SP140L: variants seen among roughly 807,000 people sequenced by gnomAD.
SP140L encodes SP140 like nuclear body protein.
Under a neutral mutation model 84.3 loss-of-function variants are expected in SP140L, and 64 were observed. That is an observed-to-expected ratio of 0.76 (90% CI 0.62 to 0.94). The LOEUF is 0.94. SP140L is among the 40% of genes least tolerant of loss of function. The pLI, the probability that SP140L is intolerant of heterozygous loss-of-function variation, is 0.00. For missense variants in SP140L, 628 were observed against 692.5 expected, an observed-to-expected ratio of 0.91 and a Z score of 1.05; for synonymous variants, 242 against 236.9, an observed-to-expected ratio of 1.02 and a Z score of -0.20.
At chr2:230,329,206 C>T (rs184621352) in intron 2 of SP140L, among the ~76,000 whole-genome samples, 227 of 152,250 alleles carry the variant, frequency 1.5e-3, no homozygotes, top group Non-Finnish European at 2.9e-3. Context: ...TTTTTAAAGT[C>T]GTTCTTCTGT....
At chr2:230,398,308 A>G (rs1264616026) in intron 14 of SP140L, among the ~76,000 whole-genome samples, 1 of 152,202 alleles carries the variant, frequency 6.6e-6, no homozygotes, top group Non-Finnish European at 1.5e-5. Flanking sequence ...AGCATTTTAT[A>G]TACTCTCCTG....
intron 5 of SP140L, among the ~76,000 whole-genome samples, chr2:230,369,638 A>G (rs1001125542): frequency 6.6e-6 from 1 of 152,240 alleles, no homozygotes; most frequent in African/African-American, 2.4e-5. Flanking sequence ...GCTGCGGCTG[A>G]TTGGCTGGCC....
intron 5 of SP140L, among the ~76,000 whole-genome samples, chr2:230,366,710 C>CATTATCATTATTATTAT (rs1553620448): frequency 1.4e-5 from 2 of 144,588 alleles, no homozygotes; most frequent in African/African-American, 5.1e-5. Context: ...GGATTATTAT[C>CATTATCATTATTATTAT]TATTATTATT....
intron 9 of SP140L, among the ~76,000 whole-genome samples, chr2:230,386,602 A>G (rs2061592532): frequency 6.6e-6 from 1 of 152,194 alleles, no homozygotes; most frequent in Non-Finnish European, 1.5e-5. Flanking sequence ...TTGCTCAGCC[A>G]CTTGATTCTG....
chr2:230,398,216 G>A (rs1159669712), intron 14 of SP140L, among the ~76,000 whole-genome samples: 3 of 152,154 alleles, frequency 2.0e-5, no homozygotes, highest in African/African-American at 4.8e-5. Flanking sequence ...TGCCTATTCT[G>A]TCACCTAAAG....
chr2:230,329,352 C>T (rs1030613514), intron 2 of SP140L, among the ~76,000 whole-genome samples: 2 of 152,078 alleles, frequency 1.3e-5, no homozygotes, highest in Admixed American at 1.3e-4. Flanking sequence ...TTTTATCTTC[C>T]CCGTGGTCCT....
intron 2 of SP140L, among the ~76,000 whole-genome samples, chr2:230,343,461 A>G (rs2149699168): frequency 6.8e-6 from 1 of 147,558 alleles, no homozygotes; most frequent in African/African-American, 2.5e-5. Flanking sequence ...TGTGTACCAC[A>G]TTTTCTTTAT....
In SP140L at chr2:230,389,955, A is replaced by G. The variant is rs1399663799; in HGVS notation, c.896A>G (p.Gln299Arg). ...CACAAAGATGAAACTGTGGATTTTCAGGCTCCTTTACTTCCAGTGACCTGT... is the reference window on the plus strand; with the variant it reads ...CACAAAGATGAAACTGTGGATTTTCGGGCTCCTTTACTTCCAGTGACCTGT... ...RKHKDETVDFQAPLLPVTCGG... is the reference protein window; with the variant it reads ...RKHKDETVDFRAPLLPVTCGG... The change falls in exon 11 of 19, where the codon CAG (glutamine) becomes CGG (arginine). Residue 299 changes from glutamine to arginine, a missense_variant. By Grantham distance (43) the Gln-to-Arg change is conservative. This residue lies in a region of SP140L where 525 missense variants were observed against 518.4 expected (regional missense o/e 1.01). Transcript: ENST00000415673. The G allele has an allele frequency of 1.9e-6, 3 of 1,613,696 alleles. No individual in the cohort carries two copies. Among genetic ancestry groups the G allele is most frequent in the African/African-American group, 1.3e-5 (1 of 74,908 alleles).
chr2:230,359,959 T>TTGGTATTGGTGCTATACCAAACTAAAGTC (rs2060663330), intron 4 of SP140L, among the ~76,000 whole-genome samples: 1 of 152,164 alleles, frequency 6.6e-6, no homozygotes, highest in Non-Finnish European at 1.5e-5. Context: ...AAACTAAAGT[T>TTGGTATTGGTGCTATACCAAACTAAAGTC]TGGTATTGGT....
intron 7 of SP140L, among the ~76,000 whole-genome samples, chr2:230,378,610 T>G (rs12104570): frequency 0.71 from 107,810 of 152,030 alleles, 38,806 homozygotes; most frequent in Middle Eastern, 0.76. Context: ...GAGGTATTCT[T>G]TTAGTTGATC....
chr2:230,396,807 A>C lies in SP140L; in HGVS notation c.1197+9A>C. ...GCTCAGTTGACCCTTGTGTAAGTAT[A>C]AATTCTGAACTACAACCCCCAGAAT... On this transcript the variant is annotated intron_variant, in intron 14 of 18. Coordinates refer to ENST00000415673, the MANE Select transcript of SP140L (RefSeq NM_138402.6). 1 of 1,613,996 alleles carries C rather than the reference A, an allele frequency of 6.2e-7. No homozygotes were observed. The highest frequency in any genetic ancestry group is 1.1e-5 in the South Asian group (1 of 91,042).
intron 6 of SP140L, among the ~76,000 whole-genome samples, chr2:230,371,325 C>T (rs746380871): frequency 1.5e-4 from 23 of 152,204 alleles, no homozygotes; most frequent in Non-Finnish European, 2.8e-4. Context: ...AGAAAGGCCT[C>T]ACCCAAAAGA....
intron 15 of SP140L, 48 bp from the exon 16 acceptor site, chr2:230,400,907 C>A: frequency 7.9e-7 from 1 of 1,265,152 alleles, no homozygotes; most frequent in Non-Finnish European, 1.1e-6. Context: ...GGAACGGTGG[C>A]CATTTCCAAG....
chr2:230,401,339 T>C, intron 16 of SP140L, 27 bp from the exon 17 acceptor site: 1 of 1,604,156 alleles, frequency 6.2e-7, no homozygotes, highest in South Asian at 1.1e-5. Flanking sequence ...CAAGCTGCTT[T>C]TCATTTACGG....
rs556884634 is a variant in SP140L at position 230,400,306 on chromosome 2, C to T, written c.1313+64C>T. On this transcript the variant is annotated intron_variant, in intron 15 of 18. Transcript: ENST00000415673. Reference sequence around the variant, plus strand: ...GGACCTTCCACCTGCCATGCGCACTCTCCAGCAGAATGTCTGCTTGTGTCT... The same window carrying T: ...GGACCTTCCACCTGCCATGCGCACTTTCCAGCAGAATGTCTGCTTGTGTCT... The T allele has an allele frequency of 9.7e-5, 146 of 1,504,236 alleles. No homozygotes were observed. In the African/African-American group the frequency reaches 1.8e-3, roughly 19 times the overall value. The allele number at this position is 1,504,236 out of a possible 1,614,324, so 93.2% of individuals were successfully genotyped here. A position where few individuals can be genotyped will look rare whatever the true frequency, so the allele number is the denominator to read the frequency against.
chr2:230,358,168 C>G lies in SP140L; in HGVS notation c.270+201C>G, dbSNP rs537619387. 7.9e-5 allele frequency among the ~76,000 whole-genome samples: 12 copies of G among 152,300 alleles called. No homozygotes were observed. The East Asian group carries it at 9.6e-4, about 12-fold the overall frequency. On this transcript the variant is annotated intron_variant, in intron 3 of 18. Coordinates refer to ENST00000415673, the MANE Select transcript of SP140L (RefSeq NM_138402.6). ...ACTGGAGAAACTGGAACGGAAACAG[C>G]TGTTCTCCATAAATGTACAATGTTT...
At chr2:230,361,735 A>G in intron 5 of SP140L, 38 bp downstream of exon 5, 2 of 1,479,082 alleles carry the variant, frequency 1.4e-6, no homozygotes. Context: ...CTCATCCGCT[A>G]AGAGGAAAAG....
chr2:230,399,161 A>G (rs539648893), intron 14 of SP140L, among the ~76,000 whole-genome samples: 2 of 152,356 alleles, frequency 1.3e-5, no homozygotes, highest in South Asian at 4.1e-4. Flanking sequence ...GCATTTGTCT[A>G]CAATACAGCA....
Position 230,396,778 on chromosome 2 carries a change from A to C in SP140L, c.1177A>C (p.Asn393His), listed in dbSNP as rs1014994086. The part of the protein sequence containing the change: ...NKKRILKSQN[N>H]SSVDPCMRNL... ...ACAGAGAATACTGAAGTCTCAAAAC[A>C]ATAGCTCAGTTGACCCTTGTGTAAG... The change falls in exon 14 of 19, where the codon AAT becomes CAT. Residue 393 changes from asparagine (N) to histidine (H), a missense_variant. This residue lies in a region of SP140L where 525 missense variants were observed against 518.4 expected (regional missense o/e 1.01). Coordinates refer to ENST00000415673, the MANE Select transcript of SP140L (RefSeq NM_138402.6). 3.7e-6 allele frequency: 6 copies of C among 1,613,994 alleles called. No homozygotes were observed. The African/African-American group carries it at 6.7e-5, about 18-fold the overall frequency.
Sources: gnomAD v4.1 joint callset for allele counts (sites outside exome capture counted in the v4.1 genomes callset) on GRCh38, gnomAD v4.1.1 for gene constraint, gnomAD v4.1.1 regional missense constraint, MANE v1.5 for transcripts, NCBI Gene and HGNC (gene_info 2026-07-23, HGNC 2026-07-21) for gene names.